Variants in PALS1 observed in about 807,000 individuals in gnomAD.
PALS1 encodes the protein protein PALS1.
A neutral mutation model predicts 78.9 loss-of-function variants in PALS1; 31 were observed. The observed-to-expected ratio is 0.39, with a 90% CI of 0.30 to 0.53. The LOEUF (loss-of-function observed/expected upper bound fraction) is 0.53. PALS1 is among the 20% of genes least tolerant of loss of function. The pLI is 0.67. For missense variants in PALS1, 704 were observed against 826.5 expected (o/e 0.85, Z 1.82); for synonymous variants, 276 against 270.9 (o/e 1.02, Z -0.18).
chr14:67,322,127 C>T (rs1013456567), intron 13 of PALS1, among the ~76,000 whole-genome samples: 1 of 152,084 alleles, frequency 6.6e-6, no homozygotes, highest in Non-Finnish European at 1.5e-5. Context: ...GGGTGGATCA[C>T]TTGAGTTCAG....
At chr14:67,244,499 T>C (rs1180391931) in intron 1 of PALS1, among the ~76,000 whole-genome samples, 1 of 152,214 alleles carries the variant, frequency 6.6e-6, no homozygotes, top group East Asian at 1.9e-4. Flanking sequence ...TAACTCTAAT[T>C]TACATGAAAT....
intron 1 of PALS1, among the ~76,000 whole-genome samples, chr14:67,256,863 A>G (rs1194082400): frequency 6.6e-6 from 1 of 151,888 alleles, no homozygotes; most frequent in Admixed American, 6.6e-5. Context: ...GAATGTATAC[A>G]TTAAAAAAAT....
chr14:67,301,267 A>AT (rs2084929582), intron 4 of PALS1, 122 bp from the exon 5 acceptor site: 1 of 498,806 alleles, frequency 2.0e-6, no homozygotes, highest in South Asian at 5.2e-5. Context: ...CTTTTTAGTG[A>AT]TTTTATTTCT....
At chr14:67,328,730 A>G (rs1301326745) in intron 14 of PALS1, among the ~76,000 whole-genome samples, 3 of 152,220 alleles carry the variant, frequency 2.0e-5, no homozygotes, top group Admixed American at 2.0e-4. Context: ...TTTATTAAAT[A>G]GGGCATCCTT....
intron 8 of PALS1, among the ~76,000 whole-genome samples, chr14:67,306,909 C>T (rs777972322): frequency 9.9e-5 from 15 of 152,150 alleles, no homozygotes; most frequent in Non-Finnish European, 7.3e-5. Context: ...AGGTCAGCAT[C>T]TGTTGATAGC....
chr14:67,332,662 G>T, intron 14 of PALS1, 118 bp from the exon 15 acceptor site: 1 of 1,018,234 alleles, frequency 9.8e-7, no homozygotes. Flanking sequence ...TCCTGAGGTT[G>T]GGAGAGACAG....
intron 11 of PALS1, 121 bp from the exon 12 acceptor site, chr14:67,320,109 C>G (rs1023211363): frequency 2.7e-6 from 2 of 736,876 alleles, no homozygotes. Flanking sequence ...GATACCCTAG[C>G]AAGGATGTAA....
chr14:67,272,723 A>G (rs1008481879), intron 2 of PALS1, among the ~76,000 whole-genome samples: 1 of 152,116 alleles, frequency 6.6e-6, no homozygotes, highest in African/African-American at 2.4e-5. Flanking sequence ...CAGTGGCACG[A>G]TCTTGGCTCA....
Position 67,333,018 on chromosome 14 carries a change from T to G in PALS1, c.*62T>G. 4 of 1,399,446 alleles carry G rather than the reference T, an allele frequency of 2.9e-6. No individual in the cohort carries two copies. Among genetic ancestry groups the G allele is most frequent in the Non-Finnish European group, 4.0e-6 (4 of 1,008,258 alleles). The allele number at this position is 1,399,446 out of a possible 1,614,324, so 86.7% of individuals were successfully genotyped here. ...TGGCAAAAACTGCCAATAGGAGGAC[T>G]GCCCGACACTGCAGCAAGATTGAGG... On this transcript the variant is annotated 3_prime_UTR_variant, in exon 15 of 15. Transcript: ENST00000261681.
rs369349205 is a variant in PALS1 at position 67,302,592 on chromosome 14, G to T, written c.963+21G>T. The T allele has an allele frequency of 3.0e-5, 43 of 1,437,392 alleles. No homozygotes were observed. In the African/African-American group the frequency reaches 5.7e-4, roughly 19 times the overall value. The allele number at this position is 1,437,392 out of a possible 1,614,324, so 89.0% of individuals were successfully genotyped here. Reference sequence around the variant, plus strand: ...TGTTGGTAAGTTGACGCAGCTAGAAGAATAATTGATAGCTTTTAGAAAGCT... The same window carrying T: ...TGTTGGTAAGTTGACGCAGCTAGAATAATAATTGATAGCTTTTAGAAAGCT... On this transcript the variant is annotated intron_variant, in intron 7 of 14. Transcript: ENST00000261681.
intron 13 of PALS1, among the ~76,000 whole-genome samples, chr14:67,322,363 AAAAC>A (rs916431326): frequency 1.8e-4 from 27 of 152,244 alleles, no homozygotes; most frequent in African/African-American, 6.5e-4. Context: ...CAAAAACAAA[AAAAC>A]CTAATTTTAG....
chr14:67,295,323 A>G (rs937194210), intron 4 of PALS1, among the ~76,000 whole-genome samples: 5 of 147,334 alleles, frequency 3.4e-5, no homozygotes, highest in Non-Finnish European at 7.5e-5. Flanking sequence ...GGTCTCTACT[A>G]AAAAAAAAAT....
chr14:67,284,708 T>A (rs2084658900), intron 3 of PALS1, among the ~76,000 whole-genome samples: 2 of 151,858 alleles, frequency 1.3e-5, no homozygotes, highest in Admixed American at 1.3e-4. Context: ...TGGATTTGCT[T>A]ATTCTAGACA....
chr14:67,318,432 AT>A (rs1566576201), intron 11 of PALS1, among the ~76,000 whole-genome samples: 1 of 152,090 alleles, frequency 6.6e-6, no homozygotes. Context: ...TATCTCTTTT[AT>A]TTTTTGAAAC....
rs746986946 is a variant in PALS1 at position 67,320,306 on chromosome 14, C to T, written c.1446C>T (p.Ile482=). ...AGCCAGCAAATAGGAAGAGACCTAT[C>T]ATCTTGATTGGTCCACAGAACTGTG... ...YHQPANRKRP[I]ILIGPQNCGQ... The change falls in exon 12 of 15, where the codon ATC becomes ATT. Residue 482 remains isoleucine, a synonymous_variant. Transcript: ENST00000261681. 1.2e-6 allele frequency: 2 copies of T among 1,613,914 alleles called. No homozygotes were observed. Among genetic ancestry groups the T allele is most frequent in the Admixed American group, 3.3e-5 (2 of 59,998 alleles).
intron 4 of PALS1, chr14:67,294,648 CACAA>C (rs1345448229): frequency 1.3e-5 from 2 of 151,650 alleles, no homozygotes; most frequent in African/African-American, 2.4e-5. Flanking sequence ...TACTAATAAA[CACAA>C]ACCAAATTTC....
At chr14:67,324,911 T>C (rs2085327380) in intron 14 of PALS1, among the ~76,000 whole-genome samples, 1 of 141,730 alleles carries the variant, frequency 7.1e-6, no homozygotes, top group Admixed American at 7.0e-5. Flanking sequence ...TTTTTTTTTT[T>C]TTTTTTTTTT....
At chr14:67,264,182 T>C (rs1367935807) in intron 1 of PALS1, among the ~76,000 whole-genome samples, 1 of 152,226 alleles carries the variant, frequency 6.6e-6, no homozygotes, top group African/African-American at 2.4e-5. Flanking sequence ...TTTAAAGTGT[T>C]TGTTAGGCCA....
At chr14:67,280,513 TACTCTG>T (rs2084587288) in intron 3 of PALS1, among the ~76,000 whole-genome samples, 3 of 152,222 alleles carry the variant, frequency 2.0e-5, no homozygotes, top group Non-Finnish European at 2.9e-5. Flanking sequence ...CTGTTAACAG[TACTCTG>T]TAATCTCCAT....
Sources: gnomAD v4.1 joint callset for allele counts (sites outside exome capture counted in the v4.1 genomes callset) on GRCh38, gnomAD v4.1.1 for gene constraint, MANE v1.5 for transcripts, NCBI Gene and HGNC (gene_info 2026-07-23, HGNC 2026-07-21) for gene names.